ANO4: variants seen among roughly 807,000 people sequenced by gnomAD.
ANO4 encodes the protein anoctamin-4.
ANO4 carries 69 observed loss-of-function variants against 141.9 expected under a neutral mutation model. The observed-to-expected ratio is 0.49, with a 90% CI of 0.40 to 0.59. The LOEUF is 0.59. ANO4 is among the 20% of genes least tolerant of loss of function. The probability of loss-of-function intolerance (pLI) is 0.00; values close to 1 mark genes in which losing one functional copy is unlikely to be tolerated. For missense variants in ANO4, 894 were observed against 1,162.2 expected (o/e 0.77, Z 3.36); for synonymous variants, 350 against 394.3 (o/e 0.89, Z 1.33).
chr12:100,901,621 C>T, intron 1 of ANO4, 25 bp from the exon 2 acceptor site: 1 of 737,438 alleles, frequency 1.4e-6, no homozygotes, highest in Non-Finnish European at 2.5e-6. Context: ...CTTCTTCAGT[C>T]TAATGGTGCC....
At chr12:101,077,880 T>C (rs2049084716) in intron 14 of ANO4, among the ~76,000 whole-genome samples, 1 of 152,198 alleles carries the variant, frequency 6.6e-6, no homozygotes, top group Admixed American at 6.5e-5. Flanking sequence ...TGTGGACCTG[T>C]ATTACCCTCC....
intron 14 of ANO4, among the ~76,000 whole-genome samples, chr12:101,062,798 C>T (rs945320424): frequency 6.6e-6 from 1 of 152,224 alleles, no homozygotes; most frequent in African/African-American, 2.4e-5. Flanking sequence ...AATTTCAAGC[C>T]TGTGGCTCTT....
intron 1 of ANO4, among the ~76,000 whole-genome samples, chr12:100,814,473 G>A (rs1339759404): frequency 6.9e-6 from 1 of 144,004 alleles, no homozygotes; most frequent in Non-Finnish European, 1.5e-5. Context: ...GAGGGGCAGG[G>A]CCAGAATTTT....
chr12:101,110,654 A>C (rs1459821924), intron 23 of ANO4, 98 bp downstream of exon 23: 16 of 1,093,872 alleles, frequency 1.5e-5, no homozygotes, highest in Non-Finnish European at 1.9e-5. Flanking sequence ...TATGTTTTCC[A>C]TTTAATATAA....
At position 100,970,662 on chromosome 12, in the gene ANO4, TC is replaced by T. The variant is rs1188278708; in HGVS notation, c.457-643del. 7.4e-3 allele frequency among the ~76,000 whole-genome samples: 265 copies of T among 35,870 alleles called. 3 individuals carry two copies. Among genetic ancestry groups the T allele is most frequent in the Admixed American group, 9.7e-3 (22 of 2,278 alleles). The allele number at this position is 35,870 out of a possible 152,430, so 23.5% of individuals were successfully genotyped here. A position where few individuals can be genotyped will look rare whatever the true frequency, so the allele number is the denominator to read the frequency against. On this transcript the variant is annotated intron_variant, in intron 5 of 27. Coordinates refer to ENST00000392977, the MANE Select transcript of ANO4 (RefSeq NM_001286615.2). ...CTCCCTTCCTCCCTCCCTCCCTCCC[TC>T]TCCTTCCTTCCTTCCTTCCTTCCTT...
At chr12:100,843,106 G>A (rs2037369781) in intron 1 of ANO4, among the ~76,000 whole-genome samples, 2 of 152,024 alleles carry the variant, frequency 1.3e-5, no homozygotes, top group African/African-American at 4.8e-5. Context: ...TGAGACCATG[G>A]GAAAATCTGG....
At chr12:100,831,008 C>T (rs1224682742) in intron 1 of ANO4, among the ~76,000 whole-genome samples, 1 of 151,994 alleles carries the variant, frequency 6.6e-6, no homozygotes, top group Non-Finnish European at 1.5e-5. Context: ...CTATTTCTGC[C>T]TCACTAAGAG....
intron 3 of ANO4, among the ~76,000 whole-genome samples, chr12:100,755,462 G>C (rs1032277061): frequency 1.3e-5 from 2 of 152,154 alleles, no homozygotes; most frequent in African/African-American, 2.4e-5. Flanking sequence ...ACCATGCAGG[G>C]AGAATGTCTG....
intron 1 of ANO4, among the ~76,000 whole-genome samples, chr12:100,828,664 A>T (rs1229293626): frequency 1.3e-5 from 2 of 152,016 alleles, no homozygotes; most frequent in African/African-American, 4.8e-5. Context: ...CATTGCCAGG[A>T]GGTAAGCAGG....
At chr12:101,097,742 A>ATC (rs1418692875) in intron 20 of ANO4, 34 bp downstream of exon 20, 1 of 1,612,258 alleles carries the variant, frequency 6.2e-7, no homozygotes, top group East Asian at 2.2e-5. Context: ...TGTTTCCGAC[A>ATC]GACTTGCATT....
chr12:100,893,989 C>T (rs2040222194), intron 1 of ANO4, among the ~76,000 whole-genome samples: 1 of 152,156 alleles, frequency 6.6e-6, no homozygotes, highest in African/African-American at 2.4e-5. Flanking sequence ...GGCTCTTACC[C>T]TTTCTGATCT....
intron 1 of ANO4, among the ~76,000 whole-genome samples, chr12:100,827,889 T>G (rs1251266420): frequency 1.3e-5 from 2 of 151,966 alleles, no homozygotes; most frequent in Non-Finnish European, 2.9e-5. Context: ...GCCTTCATTA[T>G]TCACCCCCAT....
At chr12:101,050,321 A>G (rs573226952) in intron 14 of ANO4, among the ~76,000 whole-genome samples, 1 of 152,258 alleles carries the variant, frequency 6.6e-6, no homozygotes, top group South Asian at 2.1e-4. Flanking sequence ...GTCTCTGAAC[A>G]GGCCATGTAT....
intron 1 of ANO4, among the ~76,000 whole-genome samples, chr12:100,853,627 C>T (rs1429681822): frequency 1.8e-5 from 1 of 54,680 alleles, no homozygotes; most frequent in African/African-American, 5.7e-5. Flanking sequence ...GGTTCTTCCC[C>T]ATTTTTTTCC....
chr12:100,920,889 G>A (rs527381539), intron 2 of ANO4, among the ~76,000 whole-genome samples: 4 of 152,230 alleles, frequency 2.6e-5, no homozygotes, highest in South Asian at 2.1e-4. Context: ...TGCTGACTAC[G>A]TGACAACTAA....
chr12:100,958,346 T>C (rs1327803741), intron 5 of ANO4, among the ~76,000 whole-genome samples: 2 of 152,196 alleles, frequency 1.3e-5, no homozygotes, highest in African/African-American at 4.8e-5. Flanking sequence ...CATTTCACTC[T>C]CTCTCTCTTT....
At chr12:100,990,072 G>A (rs1320531183) in intron 8 of ANO4, among the ~76,000 whole-genome samples, 1 of 152,080 alleles carries the variant, frequency 6.6e-6, no homozygotes, top group Non-Finnish European at 1.5e-5. Flanking sequence ...TGGTTGTGTA[G>A]GTGTATAAAT....
At chr12:100,915,864 G>A (rs1014873144) in intron 2 of ANO4, among the ~76,000 whole-genome samples, 1 of 152,114 alleles carries the variant, frequency 6.6e-6, no homozygotes, top group South Asian at 2.1e-4. Flanking sequence ...TTAGTTTAGT[G>A]CCAGTATCTC....
chr12:100,866,573 T>G (rs938350794), intron 1 of ANO4, among the ~76,000 whole-genome samples: 6 of 152,204 alleles, frequency 3.9e-5, no homozygotes, highest in Non-Finnish European at 8.8e-5. Flanking sequence ...CTGTAAGTCC[T>G]TTTCTCTGTG....
Sources: allele counts gnomAD v4.1 joint callset (sites outside exome capture counted in the v4.1 genomes callset), GRCh38; gene constraint gnomAD v4.1.1; transcripts MANE v1.5; gene names NCBI Gene and HGNC (gene_info 2026-07-23, HGNC 2026-07-21).